PCDHGA4: variants seen among roughly 807,000 people sequenced by gnomAD.
PCDHGA4 encodes protocadherin gamma-A4.
PCDHGA4 carries 38 observed loss-of-function variants against 54.6 expected under a neutral mutation model. That is an observed-to-expected ratio of 0.70 (90% CI 0.54 to 0.91). The LOEUF is 0.91. Ranked by LOEUF, PCDHGA4 falls within the 40% of genes least tolerant of loss-of-function variation. PCDHGA4 has a pLI of 0.00. For missense variants in PCDHGA4, 1,298 were observed against 1,220.9 expected (o/e 1.06, Z -0.94); for synonymous variants, 511 against 512.9 (o/e 1.00, Z 0.05).
Position 141,477,140 on chromosome 5 carries a change from G to GT in PCDHGA4, c.2515-17665dup. ...AGCACATTGCAAAGTGTTGGTGGAG[G>GT]TTGTGGATGTGAATGACAACGCCCC... On this transcript the variant is annotated intron_variant, in intron 1 of 3. Transcript: ENST00000571252. The surrounding 1 kb of genome is among the most constrained non-coding windows in gnomAD (Gnocchi z 4.9). 1 of 1,614,220 alleles carries GT rather than the reference G, an allele frequency of 6.2e-7. No homozygotes were observed. Among genetic ancestry groups the GT allele is most frequent in the Non-Finnish European group, 8.5e-7 (1 of 1,180,048 alleles).
Position 141,366,194 on chromosome 5 carries a change from C to T in PCDHGA4, c.2514+8573C>T, listed in dbSNP as rs559944832. 5.0e-6 allele frequency: 8 copies of T among 1,613,936 alleles called. No homozygotes were observed. In the African/African-American group the frequency reaches 6.7e-5, roughly 13 times the overall value. On this transcript the variant is annotated intron_variant, in intron 1 of 3. Transcript: ENST00000571252. ...GCCAGGACTCTTTGCGGTTGGGCTG[C>T]ACACGGGCGAGGTGCGCACAGCGCG...
intron 1 of PCDHGA4, chr5:141,365,192 A>C: frequency 6.2e-7 from 1 of 1,613,930 alleles, no homozygotes; most frequent in South Asian, 1.1e-5. Context: ...AGAAGAAAAA[A>C]TTTCGGAGAC....
intron 1 of PCDHGA4, among the ~76,000 whole-genome samples, chr5:141,461,764 C>T (rs1005862192): frequency 6.6e-6 from 1 of 152,118 alleles, no homozygotes; most frequent in East Asian, 1.9e-4. Context: ...AGCGATTCTC[C>T]TGCCTCAGCC....
At chr5:141,427,306 A>G (rs1023837851) in intron 1 of PCDHGA4, 6 of 456,826 alleles carry the variant, frequency 1.3e-5, no homozygotes, top group African/African-American at 1.2e-4. Flanking sequence ...GAGAATGACA[A>G]TGCCCCAGAC....
chr5:141,398,945 T>G, intron 1 of PCDHGA4: 3 of 1,613,974 alleles, frequency 1.9e-6, no homozygotes, highest in Non-Finnish European at 2.5e-6. Context: ...GACGAGGGCA[T>G]CAACTCAGAA....
chr5:141,444,184 T>TG, intron 1 of PCDHGA4, among the ~76,000 whole-genome samples: 1 of 138,886 alleles, frequency 7.2e-6, no homozygotes, highest in South Asian at 2.4e-4. Flanking sequence ...TTTTTTTTTT[T>TG]TTTTGAGATG....
chr5:141,394,836 T>C (rs116789057), intron 1 of PCDHGA4: 14 of 1,613,630 alleles, frequency 8.7e-6, no homozygotes, highest in South Asian at 1.1e-5. Flanking sequence ...CCTGACCGAG[T>C]TGGGCAGTCT....
intron 1 of PCDHGA4, chr5:141,395,489 A>T: frequency 4.2e-6 from 2 of 480,562 alleles, no homozygotes; most frequent in Non-Finnish European, 3.6e-6. Flanking sequence ...TCCTATTATC[A>T]CTCATTCACT....
chr5:141,370,496 C>T, intron 1 of PCDHGA4: 1 of 1,613,970 alleles, frequency 6.2e-7, no homozygotes, highest in Non-Finnish European at 8.5e-7. Flanking sequence ...AACCGATCCG[C>T]TACGCTATTC....
chr5:141,465,923 C>A (rs908350232), intron 1 of PCDHGA4, among the ~76,000 whole-genome samples: 2 of 152,062 alleles, frequency 1.3e-5, no homozygotes, highest in African/African-American at 4.8e-5. Flanking sequence ...GATTTCGAGT[C>A]CATCCTGGCT....
At position 141,431,418 on chromosome 5, in the gene PCDHGA4, C is replaced by G. The variant is rs571505529; in HGVS notation, c.2515-63389C>G. On this transcript the variant is annotated intron_variant, in intron 1 of 3. Transcript: ENST00000571252. The surrounding 1 kb of genome is among the most constrained non-coding windows in gnomAD (Gnocchi z 4.8). ...CTTACGGCCTCCGACGGGGGCGACC[C>G]GGTGCGCACAGGCACCGCGCGCATC... is the stretch of plus-strand genomic sequence containing the variant. 6.8e-6 allele frequency: 11 copies of G among 1,613,588 alleles called. No homozygotes were observed. In the South Asian group the frequency reaches 1.1e-4, roughly 16 times the overall value.
chr5:141,415,020 C>T, intron 1 of PCDHGA4: 2 of 1,613,560 alleles, frequency 1.2e-6, no homozygotes, highest in Non-Finnish European at 1.7e-6. Context: ...TGCTCAAGGC[C>T]AGCGAGCCGG....
intron 1 of PCDHGA4, chr5:141,382,984 G>A: frequency 6.2e-7 from 1 of 1,613,132 alleles, no homozygotes; most frequent in Non-Finnish European, 8.5e-7. Context: ...AGCCTGGGCA[G>A]GACGTATTCT....
intron 1 of PCDHGA4, chr5:141,417,612 T>C: frequency 1.6e-6 from 1 of 617,852 alleles, no homozygotes; most frequent in Non-Finnish European, 2.6e-6. Flanking sequence ...CGTCGGCCAG[T>C]GCAGAGCAAG....
chr5:141,501,636 C>T (rs2099810310), intron 2 of PCDHGA4, among the ~76,000 whole-genome samples: 1 of 152,130 alleles, frequency 6.6e-6, no homozygotes, highest in South Asian at 2.1e-4. Flanking sequence ...CTCAACCTCT[C>T]TGAGCCCTGT....
intron 1 of PCDHGA4, chr5:141,413,776 G>A: frequency 6.2e-7 from 1 of 1,613,188 alleles, no homozygotes; most frequent in Non-Finnish European, 8.5e-7. Context: ...GCTGGTACTG[G>A]AGCACTCCCT....
intron 1 of PCDHGA4, chr5:141,414,330 G>T: frequency 6.2e-7 from 1 of 1,613,714 alleles, no homozygotes; most frequent in Non-Finnish European, 8.5e-7. Flanking sequence ...AGAATGGACA[G>T]GTAACCTGTT....
In PCDHGA4 at chr5:141,431,469, A is replaced by G; in HGVS notation, c.2515-63338A>G. 1.9e-6 allele frequency: 3 copies of G among 1,613,824 alleles called. No individual in the cohort carries two copies. Among genetic ancestry groups the G allele is most frequent in the Non-Finnish European group, 2.5e-6 (3 of 1,179,968 alleles). ...CGCGTGATGGTTCTGGATGCGAACG[A>G]CAACGCACCAGCGTTTGCTCAGCCC... is the stretch of plus-strand genomic sequence containing the variant. On this transcript the variant is annotated intron_variant, in intron 1 of 3. Coordinates refer to ENST00000571252, the MANE Select transcript of PCDHGA4 (RefSeq NM_018917.4). This position sits in a 1 kb window ranked among gnomAD's most constrained non-coding sequence, Gnocchi z 4.8.
In PCDHGA4 at chr5:141,476,839, G is replaced by T; in HGVS notation, c.2515-17968G>T. The T allele has an allele frequency of 1.9e-6, 3 of 1,613,610 alleles. No individual in the cohort carries two copies. Among genetic ancestry groups the T allele is most frequent in the East Asian group, 2.2e-5 (1 of 44,862 alleles). ...AGGTGCTGGACGCGAATGACAATGC[G>T]CCTGTCTTCAACCAGTCCTTGTACC... On this transcript the variant is annotated intron_variant, in intron 1 of 3. Coordinates refer to ENST00000571252, the MANE Select transcript of PCDHGA4 (RefSeq NM_018917.4). This position sits in a 1 kb window ranked among gnomAD's most constrained non-coding sequence, Gnocchi z 7.6.
Sources: gnomAD v4.1 joint callset for allele counts (sites outside exome capture counted in the v4.1 genomes callset) on GRCh38, gnomAD v4.1.1 for gene constraint, Gnocchi (gnomAD v3.1) non-coding constraint, MANE v1.5 for transcripts, NCBI Gene and HGNC (gene_info 2026-07-23, HGNC 2026-07-21) for gene names.